TENM3: variants seen among roughly 807,000 people sequenced by gnomAD.
TENM3 encodes the protein teneurin transmembrane protein 3, also known as teneurin-3.
A neutral mutation model predicts 255.1 loss-of-function variants in TENM3; 63 were observed. The observed-to-expected ratio is 0.25, with a 90% confidence interval of 0.20 to 0.30. The LOEUF is 0.30. TENM3 is among the 10% of genes least tolerant of loss of function. The pLI is 1.00. For synonymous variants in TENM3, 1,306 were observed against 1,322.3 expected (o/e 0.99, Z 0.27); for missense variants, 2,929 against 3,461.1 (o/e 0.85, Z 3.86).
chr4:182,003,020 G>A, the TENM3 span, among the ~76,000 whole-genome samples: 1 of 151,968 alleles, frequency 6.6e-6, no homozygotes, highest in South Asian at 2.1e-4. Context: ...TTGTTCAAGT[G>A]AGATATATTG....
At chr4:181,503,547 A>T in the TENM3 span, among the ~76,000 whole-genome samples, 1 of 152,210 alleles carries the variant, frequency 6.6e-6, no homozygotes, top group African/African-American at 2.4e-5. Context: ...AAAGCAAGTT[A>T]TGTGGGAAGT....
intron 3 of TENM3, among the ~76,000 whole-genome samples, chr4:182,433,807 T>C (rs1237151675): frequency 6.6e-6 from 1 of 152,124 alleles, no homozygotes; most frequent in Non-Finnish European, 1.5e-5. Context: ...TATAATGAGA[T>C]TTTTGAAGGA....
chr4:181,659,442 C>T, the TENM3 span, among the ~76,000 whole-genome samples: 4 of 152,180 alleles, frequency 2.6e-5, no homozygotes, highest in Admixed American at 6.5e-5. Context: ...TGACCCTTTC[C>T]GGTAACAATT....
chr4:182,447,082 TAC>T (rs766746523), intron 3 of TENM3, among the ~76,000 whole-genome samples: 8 of 152,356 alleles, frequency 5.3e-5, no homozygotes, highest in South Asian at 4.1e-4. Flanking sequence ...TCAAAATTTA[TAC>T]AGTGTCAAAG....
At chr4:181,448,440 G>A in the TENM3 span, among the ~76,000 whole-genome samples, 1 of 151,970 alleles carries the variant, frequency 6.6e-6, no homozygotes, top group Non-Finnish European at 1.5e-5. Flanking sequence ...CAAAGTGCTG[G>A]GATTACAGGC....
At chr4:181,996,651 C>A in the TENM3 span, among the ~76,000 whole-genome samples, 26,456 of 151,966 alleles carry the variant, frequency 0.17, 2,498 homozygotes, top group Middle Eastern at 0.22. Flanking sequence ...GCAGGGACAC[C>A]GTTTAGAAGG....
At chr4:182,297,734 T>C (rs1761585739) in intron 1 of TENM3, among the ~76,000 whole-genome samples, 1 of 152,236 alleles carries the variant, frequency 6.6e-6, no homozygotes. Context: ...CCTCATTAGC[T>C]GTTATTTATT....
At chr4:181,687,904 T>C in the TENM3 span, among the ~76,000 whole-genome samples, 1 of 152,160 alleles carries the variant, frequency 6.6e-6, no homozygotes, top group African/African-American at 2.4e-5. Flanking sequence ...ATGAACAAAG[T>C]CTTTTGATCT....
intron 3 of TENM3, among the ~76,000 whole-genome samples, chr4:182,537,452 T>A (rs1740451185): frequency 6.6e-6 from 1 of 152,208 alleles, no homozygotes; most frequent in African/African-American, 2.4e-5. Flanking sequence ...ACTTTATCTT[T>A]CTGTTTCGTG....
the TENM3 span, among the ~76,000 whole-genome samples, chr4:181,622,860 C>T: frequency 1.3e-5 from 2 of 152,248 alleles, no homozygotes; most frequent in South Asian, 4.1e-4. Context: ...TTTTTAGGTA[C>T]CGAGTGAAGT....
At chr4:181,978,052 G>A in the TENM3 span, among the ~76,000 whole-genome samples, 33 of 152,192 alleles carry the variant, frequency 2.2e-4, no homozygotes, top group Non-Finnish European at 1.0e-4. Flanking sequence ...AGTTTTAACA[G>A]ATCTGCAAGC....
At chr4:182,346,508 T>C (rs2150668010) in intron 2 of TENM3, 143 bp from the exon 3 acceptor site, 5 of 821,752 alleles carry the variant, frequency 6.1e-6, no homozygotes, top group South Asian at 3.8e-5. Flanking sequence ...GTGACGCTAC[T>C]GTAAACGCCT....
the TENM3 span, among the ~76,000 whole-genome samples, chr4:181,599,349 C>T: frequency 0.63 from 95,299 of 152,100 alleles, 32,269 homozygotes; most frequent in Non-Finnish European, 0.74. Context: ...CATTAAAAAA[C>T]GGAACAAAAG....
At chr4:181,861,799 C>T in the TENM3 span, among the ~76,000 whole-genome samples, 7 of 152,086 alleles carry the variant, frequency 4.6e-5, no homozygotes, top group South Asian at 6.2e-4. Flanking sequence ...TTTTGACCAA[C>T]GTACCCCAGT....
At chr4:182,734,986 A>C (rs1761054466) in intron 16 of TENM3, among the ~76,000 whole-genome samples, 1 of 152,324 alleles carries the variant, frequency 6.6e-6, no homozygotes, top group Admixed American at 6.5e-5. Context: ...GGGTTAAATC[A>C]CATGTTATCA....
intron 6 of TENM3, 61 bp from the exon 7 acceptor site, chr4:182,672,944 C>T: frequency 7.9e-7 from 1 of 1,263,220 alleles, no homozygotes; most frequent in Non-Finnish European, 1.1e-6. Flanking sequence ...GTTTAAAAAC[C>T]TTTTTTGTTT....
intron 5 of TENM3, among the ~76,000 whole-genome samples, chr4:182,646,992 C>G (rs2152502985): frequency 6.6e-6 from 1 of 152,264 alleles, no homozygotes; most frequent in Admixed American, 6.5e-5. Context: ...TGTAAGTAAG[C>G]ATGACATTTA....
chr4:181,731,406 T>G, the TENM3 span, among the ~76,000 whole-genome samples: 1 of 152,110 alleles, frequency 6.6e-6, no homozygotes, highest in South Asian at 2.1e-4. Context: ...CGGGCTGGAG[T>G]GCAGTGGTGA....
chr4:181,560,639 T>C, the TENM3 span, among the ~76,000 whole-genome samples: 1 of 152,114 alleles, frequency 6.6e-6, no homozygotes, highest in Non-Finnish European at 1.5e-5. Context: ...CTTATTTTTG[T>C]GCTTCAGGAA....
Sources: allele counts gnomAD v4.1 joint callset (sites outside exome capture counted in the v4.1 genomes callset), GRCh38; gene constraint gnomAD v4.1.1; transcripts MANE v1.5; gene names NCBI Gene and HGNC (gene_info 2026-07-23, HGNC 2026-07-21).